Variants in ZNF813 observed in about 807,000 individuals in gnomAD.
ZNF813 encodes zinc finger protein 813.
ZNF813 carries 3 observed loss-of-function variants against 7.2 expected under a neutral mutation model. The ratio of observed to expected loss-of-function variants is 0.42; its 90% CI spans 0.19 to 1.08. The LOEUF (loss-of-function observed/expected upper bound fraction) is 1.08. Among genes scored for constraint, ZNF813 ranks in the 50% least tolerant of loss-of-function variants. The probability of loss-of-function intolerance (pLI) is 0.30; values close to 1 mark genes in which losing one functional copy is unlikely to be tolerated. For synonymous variants in ZNF813, 227 were observed against 256.3 expected (o/e 0.89, Z 1.09); for missense variants, 714 against 753.3 (o/e 0.95, Z 0.61).
At chr19:53,482,872 G>A (rs2086416046) in intron 1 of ZNF813, among the ~76,000 whole-genome samples, 1 of 151,030 alleles carries the variant, frequency 6.6e-6, no homozygotes, top group Non-Finnish European at 1.5e-5. Flanking sequence ...GTACAGGTGT[G>A]TGCCACCACA....
At chr19:53,474,667 T>C (rs1370008363) in intron 1 of ZNF813, among the ~76,000 whole-genome samples, 6 of 151,564 alleles carry the variant, frequency 4.0e-5, no homozygotes, top group African/African-American at 1.5e-4. Flanking sequence ...CCAGCCTGGG[T>C]GACAGAGCGA....
chr19:53,470,797 T>G (rs2086354913), intron 1 of ZNF813, among the ~76,000 whole-genome samples: 1 of 151,710 alleles, frequency 6.6e-6, no homozygotes, highest in African/African-American at 2.4e-5. Flanking sequence ...ATTAGTTAGA[T>G]TAAACTTTCT....
chr19:53,487,960 A>T (rs2086441955), intron 3 of ZNF813, among the ~76,000 whole-genome samples: 1 of 152,200 alleles, frequency 6.6e-6, no homozygotes, highest in Non-Finnish European at 1.5e-5. Context: ...AAAAAGTTGA[A>T]TTATGAAGAA....
chr19:53,469,509 T>C (rs2086345429), intron 1 of ZNF813, among the ~76,000 whole-genome samples: 1 of 151,582 alleles, frequency 6.6e-6, no homozygotes, highest in South Asian at 2.1e-4. Context: ...GATGGCAAAG[T>C]AGAGAATGGG....
intron 1 of ZNF813, among the ~76,000 whole-genome samples, chr19:53,472,443 C>T (rs1455429906): frequency 3.3e-5 from 5 of 151,870 alleles, no homozygotes; most frequent in South Asian, 2.1e-4. Flanking sequence ...AATAGGCCAT[C>T]GGTAAAAGGG....
At chr19:53,474,720 C>T (rs1202866787) in intron 1 of ZNF813, among the ~76,000 whole-genome samples, 3 of 151,988 alleles carry the variant, frequency 2.0e-5, no homozygotes, top group Admixed American at 1.3e-4. Context: ...ACTTTCATAA[C>T]GTTGCTAATG....
chr19:53,488,853 C>T (rs1568431993), intron 3 of ZNF813, among the ~76,000 whole-genome samples: 1 of 152,066 alleles, frequency 6.6e-6, no homozygotes, highest in East Asian at 1.9e-4. Context: ...TTTTTCTTAA[C>T]AGGGAATTGT....
chr19:53,468,137 C>T (rs1292215749), intron 1 of ZNF813, among the ~76,000 whole-genome samples: 1 of 151,838 alleles, frequency 6.6e-6, no homozygotes, highest in African/African-American at 2.4e-5. Flanking sequence ...CGCAGAACCG[C>T]GGCCCCAGTC....
In ZNF813 at chr19:53,490,645, A is replaced by G; in HGVS notation, c.413A>G (p.Asp138Gly). The change falls in exon 4 of 4, where the codon GAT becomes GGT. Residue 138 changes from aspartate (D) to glycine (G), a missense_variant. Physicochemically the swap from Asp to Gly is moderately conservative, Grantham distance 94 (BLOSUM62 -1). Coordinates refer to ENST00000396403, the MANE Select transcript of ZNF813 (RefSeq NM_001004301.4). The part of the protein sequence containing the change: ...QRHAGNKPIK[D>G]QLGSSFHSHL... ...CATGCTGGAAACAAGCCTATTAAAG[A>G]TCAGCTTGGATCAAGCTTTCATTCG... is the stretch of plus-strand genomic sequence containing the variant. 1 of 1,614,208 alleles carries G rather than the reference A, an allele frequency of 6.2e-7. No individual in the cohort carries two copies. The highest frequency in any genetic ancestry group is 8.5e-7 in the Non-Finnish European group (1 of 1,180,038).
rs1600117834 is a variant in ZNF813 at position 53,494,976 on chromosome 19, A to G, written c.*2890A>G. ...GAGGTTGAGGCTGCAGTGAGCTATGATCATGCCACTGCATTCCAGCATGGG... is the reference window on the plus strand; with the variant it reads ...GAGGTTGAGGCTGCAGTGAGCTATGGTCATGCCACTGCATTCCAGCATGGG... On this transcript the variant is annotated 3_prime_UTR_variant, in exon 4 of 4. Transcript: ENST00000396403. 1 of 152,400 alleles carries G rather than the reference A, an allele frequency of 6.6e-6. No homozygotes were observed. Among genetic ancestry groups the G allele is most frequent in the Non-Finnish European group, 1.5e-5 (1 of 68,266 alleles). 9.4% of individuals were successfully genotyped at this position (152,400 alleles called of 1,614,324 possible).
Position 53,467,784 on chromosome 19 carries a change from C to A in ZNF813, c.-79C>A. ...ATCGCGTGGAGTGACGGTCCCACGG[C>A]AGCGCGTGAGTTTGGCTCTGTGTTG... On this transcript the variant is annotated 5_prime_UTR_variant, in exon 1 of 4. Transcript: ENST00000396403. 1 of 177,380 alleles carries A rather than the reference C, an allele frequency of 5.6e-6. No individual in the cohort carries two copies. Among genetic ancestry groups the A allele is most frequent in the Non-Finnish European group, 1.2e-5 (1 of 80,588 alleles). 11.0% of individuals were successfully genotyped at this position (177,380 alleles called of 1,614,324 possible).
At chr19:53,472,151 G>A (rs2086362606) in intron 1 of ZNF813, among the ~76,000 whole-genome samples, 1 of 152,128 alleles carries the variant, frequency 6.6e-6, no homozygotes, top group Admixed American at 6.5e-5. Context: ...GGGGTAACCT[G>A]CAGTCCACAC....
At chr19:53,486,467 A>AGT (rs1339487337) in intron 2 of ZNF813, among the ~76,000 whole-genome samples, 165 bp from the exon 3 acceptor site, 1 of 151,528 alleles carries the variant, frequency 6.6e-6, no homozygotes, top group Non-Finnish European at 1.5e-5. Context: ...AAAGCATAAT[A>AGT]AAACACAGCT....
chr19:53,485,062 G>A (rs544598693), intron 2 of ZNF813, among the ~76,000 whole-genome samples: 2 of 152,176 alleles, frequency 1.3e-5, no homozygotes, highest in African/African-American at 2.4e-5. Context: ...AGGTGTCAGA[G>A]CAAGTCTCAT....
chr19:53,468,883 ACTC>A (rs1167238960), intron 1 of ZNF813, among the ~76,000 whole-genome samples: 1 of 88,592 alleles, frequency 1.1e-5, no homozygotes, highest in Non-Finnish European at 2.5e-5. Context: ...CTCTTTCACT[ACTC>A]CTCCTCAGCA....
intron 1 of ZNF813, chr19:53,479,476 C>G: frequency 1.3e-6 from 2 of 1,486,428 alleles, no homozygotes; most frequent in South Asian, 2.3e-5. Context: ...GGCCCGGGAA[C>G]AGGCTGAGGC....
At position 53,492,661 on chromosome 19, in the gene ZNF813, C is replaced by G; in HGVS notation, c.*575C>G. 1 of 829,316 alleles carries G rather than the reference C, an allele frequency of 1.2e-6. No individual in the cohort carries two copies. Among genetic ancestry groups the G allele is most frequent in the Non-Finnish European group, 1.9e-6 (1 of 529,526 alleles). The allele number at this position is 829,316 out of a possible 1,614,324, so 51.4% of individuals were successfully genotyped here. ...GATTGTCACCAAGTCTTCAGTAACG[C>G]TACAACCATTGCAAATCATTGGAGA... On this transcript the variant is annotated 3_prime_UTR_variant, in exon 4 of 4. Coordinates refer to ENST00000396403, the MANE Select transcript of ZNF813 (RefSeq NM_001004301.4).
chr19:53,475,222 A>T (rs1193908247), intron 1 of ZNF813, among the ~76,000 whole-genome samples: 1 of 152,210 alleles, frequency 6.6e-6, no homozygotes, highest in African/African-American at 2.4e-5. Flanking sequence ...CTCTTTTGCT[A>T]GCAACAGTGC....
intron 1 of ZNF813, among the ~76,000 whole-genome samples, chr19:53,468,480 C>T (rs911811892): frequency 1.4e-4 from 22 of 152,192 alleles, no homozygotes; most frequent in Admixed American, 1.4e-3. Flanking sequence ...AGGACCGGCA[C>T]CAGTGCCAGC....
Sources: gnomAD v4.1 joint callset for allele counts (sites outside exome capture counted in the v4.1 genomes callset) on GRCh38, gnomAD v4.1.1 for gene constraint, MANE v1.5 for transcripts, NCBI Gene and HGNC (gene_info 2026-07-23, HGNC 2026-07-21) for gene names.